The following PTPRR variants were observed in gnomAD, a reference collection of about 807,000 sequenced individuals.
The protein encoded by PTPRR is receptor-type tyrosine-protein phosphatase R.
Under a neutral mutation model 77.2 loss-of-function variants are expected in PTPRR, and 38 were observed. The ratio of observed to expected loss-of-function variants is 0.49; its 90% CI spans 0.38 to 0.65. The LOEUF (loss-of-function observed/expected upper bound fraction) is 0.65, where lower values mean the gene tolerates loss of function less well. Among genes scored for constraint, PTPRR ranks in the 30% least tolerant of loss-of-function variants. PTPRR has a pLI of 0.00. For missense variants in PTPRR, 744 were observed against 799.2 expected (o/e 0.93, Z 0.83); for synonymous variants, 299 against 283.1 (o/e 1.06, Z -0.57).
intron 2 of PTPRR, among the ~76,000 whole-genome samples, chr12:70,765,471 A>T (rs1890795773): frequency 6.6e-6 from 1 of 152,188 alleles, no homozygotes; most frequent in Admixed American, 6.5e-5. Flanking sequence ...GGTGCCCGCC[A>T]TTGCCCAGGC....
intron 10 of PTPRR, among the ~76,000 whole-genome samples, chr12:70,664,895 G>T (rs1249411780): frequency 6.6e-6 from 1 of 152,210 alleles, no homozygotes; most frequent in Non-Finnish European, 1.5e-5. Flanking sequence ...CCAGATAAGT[G>T]TGGGTACTTT....
At chr12:70,692,407 T>G (rs574389540) in intron 8 of PTPRR, among the ~76,000 whole-genome samples, 1 of 152,278 alleles carries the variant, frequency 6.6e-6, no homozygotes, top group East Asian at 1.9e-4. Flanking sequence ...ACTGAGAAAC[T>G]AAAGTTTTAA....
intron 2 of PTPRR, among the ~76,000 whole-genome samples, chr12:70,781,915 G>C (rs1234138936): frequency 6.6e-6 from 1 of 152,130 alleles, no homozygotes; most frequent in Non-Finnish European, 1.5e-5. Context: ...AATACTAACA[G>C]TATTGGTAAG....
At chr12:70,803,374 T>A (rs557277732) in intron 2 of PTPRR, among the ~76,000 whole-genome samples, 1 of 152,170 alleles carries the variant, frequency 6.6e-6, no homozygotes, top group African/African-American at 2.4e-5. Flanking sequence ...AGAAGCACTC[T>A]TTGGGTTTGT....
intron 1 of PTPRR, among the ~76,000 whole-genome samples, chr12:70,914,393 T>C (rs1169752986): frequency 3.2e-4 from 48 of 152,170 alleles, no homozygotes; most frequent in Non-Finnish European, 1.5e-5. Flanking sequence ...GACATTATTA[T>C]AAAGAATAAA....
intron 12 of PTPRR, among the ~76,000 whole-genome samples, chr12:70,658,514 G>A (rs889446564): frequency 3.3e-5 from 5 of 152,266 alleles, no homozygotes; most frequent in Middle Eastern, 3.4e-3. Context: ...TATTTTGGCT[G>A]TTATAACTGA....
chr12:70,839,575 A>T (rs879469754), intron 2 of PTPRR, among the ~76,000 whole-genome samples: 7 of 152,220 alleles, frequency 4.6e-5, no homozygotes, highest in Non-Finnish European at 7.3e-5. Context: ...AGGATAAAAC[A>T]TTCTATGAAA....
intron 10 of PTPRR, among the ~76,000 whole-genome samples, chr12:70,683,757 T>C (rs1887758499): frequency 6.6e-6 from 1 of 152,254 alleles, no homozygotes; most frequent in African/African-American, 2.4e-5. Flanking sequence ...TGGTGTGTTT[T>C]GTTTACTATT....
chr12:70,671,558 AC>A, intron 10 of PTPRR, among the ~76,000 whole-genome samples: 1 of 152,142 alleles, frequency 6.6e-6, no homozygotes, highest in South Asian at 2.1e-4. Flanking sequence ...AACTTCAACC[AC>A]CCATTGGTGT....
chr12:70,668,010 T>G (rs533210245), intron 10 of PTPRR, among the ~76,000 whole-genome samples: 1 of 152,148 alleles, frequency 6.6e-6, no homozygotes, highest in Admixed American at 6.5e-5. Flanking sequence ...ATAAACAGAT[T>G]CAACGTTTTT....
intron 2 of PTPRR, among the ~76,000 whole-genome samples, chr12:70,818,337 TGAGAAA>T (rs887558468): frequency 5.7e-4 from 86 of 152,110 alleles, no homozygotes; most frequent in African/African-American, 2.0e-3. Flanking sequence ...ATTTATTTAT[TGAGAAA>T]GAGAAAGAAG....
chr12:70,796,177 G>A (rs1324853733), intron 2 of PTPRR, among the ~76,000 whole-genome samples: 2 of 151,830 alleles, frequency 1.3e-5, no homozygotes, highest in East Asian at 2.0e-4. Flanking sequence ...ACCTGCCTTG[G>A]CCTCCCAAAG....
intron 6 of PTPRR, among the ~76,000 whole-genome samples, chr12:70,740,014 G>A (rs2136912262): frequency 6.6e-6 from 1 of 152,264 alleles, no homozygotes; most frequent in East Asian, 1.9e-4. Flanking sequence ...GATGGTCTAT[G>A]CCTTATTCTG....
chr12:70,729,897 T>C (rs1889591254), intron 6 of PTPRR, among the ~76,000 whole-genome samples: 1 of 151,346 alleles, frequency 6.6e-6, no homozygotes, highest in Non-Finnish European at 1.5e-5. Flanking sequence ...ATTTTACTTG[T>C]TATTTCTATT....
At chr12:70,755,385 T>G (rs566973246) in intron 4 of PTPRR, among the ~76,000 whole-genome samples, 4 of 152,316 alleles carry the variant, frequency 2.6e-5, no homozygotes, top group African/African-American at 9.6e-5. Flanking sequence ...AATTTATTTT[T>G]AAGGCTTTTA....
chr12:70,918,326 A>G (rs894246267), intron 1 of PTPRR, among the ~76,000 whole-genome samples: 32 of 152,266 alleles, frequency 2.1e-4, no homozygotes, highest in African/African-American at 7.5e-4. Context: ...AATGTATTTT[A>G]CTATATTAAA....
At chr12:70,739,587 G>A (rs1889981038) in intron 6 of PTPRR, among the ~76,000 whole-genome samples, 1 of 152,310 alleles carries the variant, frequency 6.6e-6, no homozygotes, top group South Asian at 2.1e-4. Flanking sequence ...AGAGTATCTT[G>A]AGCCATAGTA....
intron 1 of PTPRR, among the ~76,000 whole-genome samples, chr12:70,917,227 A>G (rs539247697): frequency 3.9e-5 from 6 of 152,290 alleles, no homozygotes; most frequent in Middle Eastern, 3.4e-3. Flanking sequence ...ACTGGAGTTT[A>G]TATATTAAAC....
chr12:70,690,400 CA>C (rs1162860780), intron 8 of PTPRR, among the ~76,000 whole-genome samples: 3 of 152,134 alleles, frequency 2.0e-5, no homozygotes. Context: ...ATTCAGAAGT[CA>C]AATTCAGGGT....
Sources: allele counts gnomAD v4.1 joint callset (sites outside exome capture counted in the v4.1 genomes callset), GRCh38; gene constraint gnomAD v4.1.1; transcripts MANE v1.5; gene names NCBI Gene and HGNC (gene_info 2026-07-23, HGNC 2026-07-21).